The following NPAS3 variants were observed in gnomAD, a reference collection of about 807,000 sequenced individuals.
NPAS3 encodes neuronal PAS domain protein 3.
Under a neutral mutation model 73.1 loss-of-function variants are expected in NPAS3, and 14 were observed. That is an observed-to-expected ratio of 0.19 (90% CI 0.13 to 0.30). The LOEUF (loss-of-function observed/expected upper bound fraction) is 0.30. Ranked by LOEUF, NPAS3 falls within the 10% of genes least tolerant of loss-of-function variation. The pLI is 1.00. For synonymous variants in NPAS3, 620 were observed against 541.5 expected (o/e 1.14, Z -2.01); for missense variants, 1,096 against 1,250.0 (o/e 0.88, Z 1.86).
In NPAS3 at chr14:33,268,766, C is replaced by T. The variant is rs572194473; in HGVS notation, c.385+53340C>T. Among the ~76,000 whole-genome samples the T allele has an allele frequency of 2.0e-5, 3 of 152,236 alleles. No individual in the cohort carries two copies. In the South Asian group the frequency reaches 6.2e-4, roughly 32 times the overall value. The stretch of plus-strand genomic sequence containing the variant: ...TCCATGCCAGTCTAGGTCATGGATA[C>T]TGGAAAATTGAAAGCTCATTTGTAT... On this transcript the variant is annotated intron_variant, in intron 3 of 11. Coordinates refer to ENST00000356141, the Ensembl canonical transcript of NPAS3.
chr14:33,492,196 G>A (rs968210008), intron 4 of NPAS3, among the ~76,000 whole-genome samples: 4 of 152,078 alleles, frequency 2.6e-5, no homozygotes, highest in Non-Finnish European at 4.4e-5. Context: ...CTCACATATC[G>A]ATGGAGAGTA....
At chr14:33,771,767 C>T (rs1168661354) in intron 7 of NPAS3, among the ~76,000 whole-genome samples, 4 of 151,880 alleles carry the variant, frequency 2.6e-5, no homozygotes, top group Non-Finnish European at 5.9e-5. Flanking sequence ...GCCGAGATCA[C>T]GCCACTAAAC....
At chr14:33,483,273 C>T (rs1050414840) in intron 4 of NPAS3, among the ~76,000 whole-genome samples, 1 of 152,158 alleles carries the variant, frequency 6.6e-6, no homozygotes, top group African/African-American at 2.4e-5. Flanking sequence ...GTCAGTTCCA[C>T]AGGGCAGTTT....
intron 2 of NPAS3, among the ~76,000 whole-genome samples, chr14:33,136,452 G>A (rs993724915): frequency 3.3e-5 from 5 of 152,172 alleles, no homozygotes; most frequent in Non-Finnish European, 5.9e-5. Context: ...CATTGATAAT[G>A]CAGGCTATGA....
At chr14:33,498,935 AGTGTGTGTGTGTGTGT>A (rs3058422) in intron 4 of NPAS3, among the ~76,000 whole-genome samples, 73 of 94,938 alleles carry the variant, frequency 7.7e-4, no homozygotes, top group South Asian at 1.3e-3. Flanking sequence ...ACAGAGAGAG[AGTGTGTGTGTGTGTGT>A]GTGTGTGTGT....
intron 2 of NPAS3, among the ~76,000 whole-genome samples, chr14:33,095,767 C>T (rs551439406): frequency 9.6e-4 from 143 of 149,470 alleles, no homozygotes; most frequent in African/African-American, 3.4e-3. Context: ...CTCCCGGGTT[C>T]ACGCCATTCT....
rs1217654662 is a variant in NPAS3, at chr14:33,023,611, A to G, written c.51-32294A>G. ...CCTGAATGTAGCATTGGTAAAATAG[A>G]TGGGAAGAGTATTCAGAATACATCC... On this transcript the variant is annotated intron_variant, in intron 1 of 11. Coordinates refer to ENST00000356141, the Ensembl canonical transcript of NPAS3. Among the ~76,000 whole-genome samples the G allele has an allele frequency of 2.6e-5, 4 of 152,186 alleles. No homozygotes were observed. In the East Asian group the frequency reaches 7.7e-4, roughly 29 times the overall value.
intron 2 of NPAS3, among the ~76,000 whole-genome samples, chr14:33,100,589 A>G (rs1013207911): frequency 6.6e-6 from 1 of 152,192 alleles, no homozygotes; most frequent in African/African-American, 2.4e-5. Flanking sequence ...AAATATAATT[A>G]TACAACGCTA....
chr14:33,177,071 TTTATTATTA>T lies in NPAS3; in HGVS notation c.141-38079_141-38071del, dbSNP rs58286290. Among the ~76,000 whole-genome samples the T allele has an allele frequency of 8.2e-3, 1,133 of 138,300 alleles. 3 individuals are homozygous for T. The highest frequency in any genetic ancestry group is 0.023 in the African/African-American group (862 of 37,004). 90.7% of individuals were successfully genotyped at this position (138,300 alleles called of 152,430 possible). On this transcript the variant is annotated intron_variant, in intron 2 of 11. Transcript: ENST00000356141. ...ATTTTTTAATTAGGCTGTTTATCTTTTTATTATTATTATTATTATTATTATTATTATTAT... is the reference window on the plus strand; with the variant it reads ...ATTTTTTAATTAGGCTGTTTATCTTTTTATTATTATTATTATTATTATTAT...
chr14:33,392,231 G>T (rs1207917659), intron 4 of NPAS3, among the ~76,000 whole-genome samples: 1 of 152,080 alleles, frequency 6.6e-6, no homozygotes, highest in African/African-American at 2.4e-5. Context: ...CCCCTGGATT[G>T]TAACATGTAT....
chr14:32,978,662 A>G (rs1393885703), intron 1 of NPAS3, among the ~76,000 whole-genome samples: 1 of 152,004 alleles, frequency 6.6e-6, no homozygotes, highest in East Asian at 1.9e-4. Context: ...TTTTATTTTC[A>G]CTGAGGAAAC....
At chr14:33,072,110 C>T in intron 2 of NPAS3, among the ~76,000 whole-genome samples, 1 of 152,168 alleles carries the variant, frequency 6.6e-6, no homozygotes, top group East Asian at 1.9e-4. Context: ...AGTCTGGTCT[C>T]AAACTCCTGA....
In NPAS3 at chr14:33,506,182, T is replaced by C. The variant is rs140108165; in HGVS notation, c.469-53939T>C. Among the ~76,000 whole-genome samples the C allele has an allele frequency of 4.3e-3, 660 of 152,148 alleles. 5 individuals are homozygous for C. The highest frequency in any genetic ancestry group is 0.014 in the African/African-American group (576 of 41,558). On this transcript the variant is annotated intron_variant, in intron 4 of 11. Transcript: ENST00000356141. ...ATTTACTTGTTCGTCATCTGTCTCT[T>C]CAAACACAATACGGGCTTTATAAGC...
At chr14:33,553,888 T>G (rs1013494976) in intron 4 of NPAS3, among the ~76,000 whole-genome samples, 15 of 152,188 alleles carry the variant, frequency 9.9e-5, no homozygotes, top group Admixed American at 9.8e-4. Context: ...CTCCTTGAAG[T>G]CGCTTGGAGT....
rs1428018759 is a variant in NPAS3, at chr14:33,800,635, C to T, written c.2328C>T (p.Gly776=). Residue 776 remains glycine (G), a synonymous_variant, in exon 12 of 12, where the codon GGC becomes GGT. Coordinates refer to ENST00000356141, the Ensembl canonical transcript of NPAS3. The surrounding 1 kb of genome is among the most constrained non-coding windows in gnomAD (Gnocchi z 6.5). ...GCGGGGGCGGCGGCGCGGGGGGCGG[C>T]GGCCCCAGCGCGTCCAACTCCTTGC... 18 of 1,394,712 alleles carry T rather than the reference C, an allele frequency of 1.3e-5. No individual in the cohort carries two copies. The East Asian group carries it at 2.8e-4, about 21-fold the overall frequency. The allele number at this position is 1,394,712 out of a possible 1,614,324, so 86.4% of individuals were successfully genotyped here. A position where few individuals can be genotyped will look rare whatever the true frequency, so the allele number is the denominator to read the frequency against.
At chr14:33,508,306 G>A (rs10131549) in intron 4 of NPAS3, among the ~76,000 whole-genome samples, 1 of 151,818 alleles carries the variant, frequency 6.6e-6, no homozygotes, top group Non-Finnish European at 1.5e-5. Flanking sequence ...GACAAATCAC[G>A]CCTTCCAGAT....
intron 2 of NPAS3, among the ~76,000 whole-genome samples, chr14:33,086,988 T>C (rs2042045701): frequency 6.6e-6 from 1 of 151,952 alleles, no homozygotes; most frequent in Admixed American, 6.6e-5. Context: ...TCTAGGTCCA[T>C]GTTAGGGACA....
rs1375829695 is a variant in NPAS3 at position 33,103,102 on chromosome 14, G to A, written c.140+47108G>A. On this transcript the variant is annotated intron_variant, in intron 2 of 11. Coordinates refer to ENST00000356141, the Ensembl canonical transcript of NPAS3. The stretch of plus-strand genomic sequence containing the variant: ...AAGTATACATACCAATACCTTATGA[G>A]GAATGTGTTTTGTGAATGAAAATTC... Among the ~76,000 whole-genome samples the A allele has an allele frequency of 5.9e-5, 9 of 152,280 alleles. No homozygotes were observed. The South Asian group carries it at 1.0e-3, about 18-fold the overall frequency.
At chr14:33,086,551 T>C (rs1006423738) in intron 2 of NPAS3, among the ~76,000 whole-genome samples, 3 of 152,128 alleles carry the variant, frequency 2.0e-5, no homozygotes, top group Non-Finnish European at 4.4e-5. Flanking sequence ...AGGACAGTAA[T>C]GTAAGACAAA....
Sources: gnomAD v4.1 joint callset for allele counts (sites outside exome capture counted in the v4.1 genomes callset) on GRCh38, gnomAD v4.1.1 for gene constraint, Gnocchi (gnomAD v3.1) non-coding constraint, MANE v1.5 for transcripts, NCBI Gene and HGNC (gene_info 2026-07-23, HGNC 2026-07-21) for gene names.